CSMD1: variants seen among roughly 807,000 people sequenced by gnomAD.
CSMD1 encodes CUB and sushi domain-containing protein 1.
In CSMD1, 213 loss-of-function variants were observed where a neutral mutation model predicts 417.5. That is an observed-to-expected ratio of 0.51 (90% CI 0.46 to 0.57). The LOEUF (loss-of-function observed/expected upper bound fraction) is 0.57, where lower values mean the gene tolerates loss of function less well. CSMD1 is among the 20% of genes least tolerant of loss of function. CSMD1 has a pLI of 0.00. For synonymous variants in CSMD1, 2,862 were observed against 1,736.8 expected, an observed-to-expected ratio of 1.65 and a Z score of -16.11; for missense variants, 6,923 against 4,529.7, an observed-to-expected ratio of 1.53 and a Z score of -15.17.
intron 2 of CSMD1, among the ~76,000 whole-genome samples, chr8:4,441,437 T>G (rs1454217454): frequency 6.7e-6 from 1 of 150,280 alleles, no homozygotes; most frequent in Non-Finnish European, 1.5e-5. Flanking sequence ...TAAGATTACT[T>G]TCTTAAAATG....
chr8:4,608,578 G>A (rs907184416), intron 2 of CSMD1, among the ~76,000 whole-genome samples: 1 of 152,348 alleles, frequency 6.6e-6, no homozygotes, highest in East Asian at 1.9e-4. Context: ...GTCAAGATAA[G>A]GGATGCGATG....
In CSMD1 at chr8:3,255,746, A is replaced by C. The variant is rs140150150; in HGVS notation, c.4154-25515T>G. The stretch of plus-strand genomic sequence containing the variant: ...GCAGTATTAGGGTGGGAGTGACCGG[A>C]TTTTCCAGGTGCTGTCTGTCAACAC... On this transcript the variant is annotated intron_variant, in intron 26 of 69. Transcript: ENST00000635120. Among the ~76,000 whole-genome samples the C allele has an allele frequency of 5.9e-3, 902 of 152,126 alleles. 6 individuals are homozygous for C. The highest frequency in any genetic ancestry group is 0.02 in the African/African-American group (845 of 41,508).
chr8:3,898,776 CCTT>C (rs1807533294), intron 5 of CSMD1, among the ~76,000 whole-genome samples: 1 of 152,082 alleles, frequency 6.6e-6, no homozygotes, highest in South Asian at 2.1e-4. Flanking sequence ...TTGAGGAAGA[CCTT>C]CTCTAAAACA....
At chr8:4,914,769 A>G (rs767364824) in intron 1 of CSMD1, among the ~76,000 whole-genome samples, 1 of 152,098 alleles carries the variant, frequency 6.6e-6, no homozygotes, top group Non-Finnish European at 1.5e-5. Context: ...TTACGTCACT[A>G]CCTGCATGAG....
chr8:4,165,818 T>A (rs887917847), intron 3 of CSMD1, among the ~76,000 whole-genome samples: 44 of 152,238 alleles, frequency 2.9e-4, no homozygotes, highest in Admixed American at 9.8e-4. Context: ...TCACTCTTAC[T>A]AGGTTGTTGC....
chr8:3,892,936 G>C (rs1807084415), intron 5 of CSMD1, among the ~76,000 whole-genome samples: 1 of 148,994 alleles, frequency 6.7e-6, no homozygotes, highest in African/African-American at 2.4e-5. Flanking sequence ...AAATTAACTT[G>C]AAGGAAGTTT....
At chr8:4,830,398 A>G (rs1012051698) in intron 1 of CSMD1, among the ~76,000 whole-genome samples, 2 of 152,226 alleles carry the variant, frequency 1.3e-5, no homozygotes, top group Admixed American at 1.3e-4. Flanking sequence ...TCTGTAAAAT[A>G]ATTGACAATA....
chr8:3,137,568 G>A (rs1483581149), intron 41 of CSMD1, among the ~76,000 whole-genome samples: 2 of 152,208 alleles, frequency 1.3e-5, no homozygotes, highest in East Asian at 3.8e-4. Context: ...TTGTCCCTTG[G>A]CTTTTGCAGG....
chr8:4,382,825 C>A (rs1031529663), intron 3 of CSMD1, among the ~76,000 whole-genome samples: 10 of 152,162 alleles, frequency 6.6e-5, no homozygotes, highest in African/African-American at 2.4e-4. Context: ...AATATCATTA[C>A]ATTGTGACAA....
chr8:4,308,432 G>C (rs977613567), intron 3 of CSMD1, among the ~76,000 whole-genome samples: 1 of 151,996 alleles, frequency 6.6e-6, no homozygotes, highest in African/African-American at 2.4e-5. Context: ...AAAGTCTGAT[G>C]ATGGGAAAAA....
intron 10 of CSMD1, among the ~76,000 whole-genome samples, chr8:3,509,478 C>A (rs1209769367): frequency 6.6e-6 from 1 of 152,148 alleles, no homozygotes; most frequent in Non-Finnish European, 1.5e-5. Context: ...AGTCGTTGAA[C>A]TATTTTTCAT....
chr8:3,407,398 T>C (rs1258032572), intron 14 of CSMD1, among the ~76,000 whole-genome samples: 1 of 149,080 alleles, frequency 6.7e-6, no homozygotes, highest in African/African-American at 2.5e-5. Context: ...GATGGATGGA[T>C]GGAAGGATGA....
At chr8:4,514,435 G>T (rs1281200073) in intron 2 of CSMD1, among the ~76,000 whole-genome samples, 1 of 152,162 alleles carries the variant, frequency 6.6e-6, no homozygotes, top group African/African-American at 2.4e-5. Flanking sequence ...AATGCCACAG[G>T]AAAAGCCTGA....
intron 25 of CSMD1, among the ~76,000 whole-genome samples, chr8:3,286,237 T>A (rs1803146208): frequency 6.6e-6 from 1 of 152,214 alleles, no homozygotes; most frequent in Non-Finnish European, 1.5e-5. Flanking sequence ...TGTTGGACAT[T>A]TGGGTTGGTT....
At chr8:3,816,235 C>A (rs748594012) in intron 5 of CSMD1, among the ~76,000 whole-genome samples, 37 of 152,124 alleles carry the variant, frequency 2.4e-4, no homozygotes, top group African/African-American at 8.7e-4. Flanking sequence ...GTGTTATATT[C>A]GATCCTGGTT....
intron 3 of CSMD1, among the ~76,000 whole-genome samples, chr8:4,270,787 G>T (rs547981886): frequency 6.6e-6 from 1 of 152,114 alleles, no homozygotes; most frequent in African/African-American, 2.4e-5. Flanking sequence ...AGGGGGCTGT[G>T]GCTTCCTTCC....
intron 5 of CSMD1, among the ~76,000 whole-genome samples, chr8:3,823,339 G>A (rs1801850775): frequency 1.3e-5 from 2 of 152,114 alleles, no homozygotes; most frequent in Admixed American, 6.5e-5. Flanking sequence ...CAGGGACCCA[G>A]TACTCTCATT....
At chr8:3,054,782 CCA>C (rs1812107042) in intron 49 of CSMD1, among the ~76,000 whole-genome samples, 1 of 152,136 alleles carries the variant, frequency 6.6e-6, no homozygotes, top group African/African-American at 2.4e-5. Flanking sequence ...AAACGAAAAA[CCA>C]CAGACATAAA....
chr8:3,089,063 C>T (rs150494460), intron 48 of CSMD1, among the ~76,000 whole-genome samples: 3 of 152,282 alleles, frequency 2.0e-5, no homozygotes, highest in African/African-American at 7.2e-5. Flanking sequence ...TAGGATAAGA[C>T]ATGAAGGGCC....
Sources: gnomAD v4.1 joint callset for allele counts (sites outside exome capture counted in the v4.1 genomes callset) on GRCh38, gnomAD v4.1.1 for gene constraint, MANE v1.5 for transcripts, NCBI Gene and HGNC (gene_info 2026-07-23, HGNC 2026-07-21) for gene names.